Variants in GIGYF2 observed in about 807,000 individuals in gnomAD.
GIGYF2 encodes GRB10 interacting GYF protein 2.
In GIGYF2, 25 loss-of-function variants were observed where a neutral mutation model predicts 208.1. That is an observed-to-expected ratio of 0.12 (90% confidence interval 0.09 to 0.17). GIGYF2 has a LOEUF of 0.17. Ranked by LOEUF, GIGYF2 falls within the 10% of genes least tolerant of loss-of-function variation. The pLI, the probability that GIGYF2 is intolerant of heterozygous loss-of-function variation, is 1.00. For missense variants in GIGYF2, 1,302 were observed against 1,579.4 expected, an observed-to-expected ratio of 0.82 and a Z score of 2.98; for synonymous variants, 534 against 543.8, an observed-to-expected ratio of 0.98 and a Z score of 0.25.
intron 2 of GIGYF2, among the ~76,000 whole-genome samples, chr2:232,727,970 A>G (rs572734550): frequency 2.0e-5 from 3 of 152,166 alleles, no homozygotes; most frequent in Non-Finnish European, 4.4e-5. Flanking sequence ...AAATACCCGC[A>G]ACATTGAGTC....
At chr2:232,736,311 A>T (rs1441654909) in intron 3 of GIGYF2, 5 of 435,464 alleles carry the variant, frequency 1.1e-5, no homozygotes, top group African/African-American at 2.1e-5. Flanking sequence ...ATATGTTTCT[A>T]AAAAAATTAG....
At chr2:232,748,674 TATC>T (rs1236287574) in intron 4 of GIGYF2, among the ~76,000 whole-genome samples, 1 of 152,216 alleles carries the variant, frequency 6.6e-6, no homozygotes, top group African/African-American at 2.4e-5. Flanking sequence ...AAACTCTCCT[TATC>T]ATCTTCTGCT....
intron 5 of GIGYF2, among the ~76,000 whole-genome samples, chr2:232,749,551 A>C (rs1474490535): frequency 6.6e-6 from 1 of 152,000 alleles, no homozygotes; most frequent in Admixed American, 6.6e-5. Flanking sequence ...TGAGAAAGTA[A>C]AACTTGTGGG....
chr2:232,794,012 A>G (rs914134681), intron 12 of GIGYF2, among the ~76,000 whole-genome samples: 15 of 152,210 alleles, frequency 9.9e-5, no homozygotes, highest in African/African-American at 3.6e-4. Flanking sequence ...GCATGTATAG[A>G]CTATCCTTTT....
chr2:232,782,260 A>G lies in GIGYF2; in HGVS notation c.533-4890A>G, dbSNP rs146029980. 1.4e-4 allele frequency among the ~76,000 whole-genome samples: 22 copies of G among 152,246 alleles called. 1 individual carries two copies. Among genetic ancestry groups the G allele is most frequent in the African/African-American group, 5.3e-4 (22 of 41,554 alleles). ...TAGATAAATACAGAGATGAGGTCTCACCATGTTGCCCAGTCTGGTTTCAAA... is the reference window on the plus strand; with the variant it reads ...TAGATAAATACAGAGATGAGGTCTCGCCATGTTGCCCAGTCTGGTTTCAAA... On this transcript the variant is annotated intron_variant, in intron 8 of 28. Transcript: ENST00000373563.
intron 3 of GIGYF2, among the ~76,000 whole-genome samples, chr2:232,736,989 G>A (rs1001518815): frequency 6.6e-6 from 1 of 152,178 alleles, no homozygotes; most frequent in Admixed American, 6.5e-5. Flanking sequence ...AATATTATGG[G>A]TTGGCAAACT....
chr2:232,776,784 C>G (rs1398453028), intron 8 of GIGYF2: 3 of 301,564 alleles, frequency 9.9e-6, no homozygotes, highest in Non-Finnish European at 1.2e-5. Flanking sequence ...CATTTTTTCC[C>G]TCTAATCAGG....
intron 2 of GIGYF2, among the ~76,000 whole-genome samples, chr2:232,712,297 T>C (rs1027698759): frequency 2.0e-5 from 3 of 152,228 alleles, no homozygotes; most frequent in Non-Finnish European, 4.4e-5. Flanking sequence ...AACAATTGCA[T>C]TAAGTATCCT....
At chr2:232,710,548 G>T (rs531429181) in intron 2 of GIGYF2, among the ~76,000 whole-genome samples, 1 of 152,274 alleles carries the variant, frequency 6.6e-6, no homozygotes, top group East Asian at 1.9e-4. Context: ...GTCTTCATAG[G>T]CTTTACAGCC....
intron 14 of GIGYF2, among the ~76,000 whole-genome samples, chr2:232,802,326 T>A (rs1700423394): frequency 6.6e-6 from 1 of 152,162 alleles, no homozygotes; most frequent in Admixed American, 6.5e-5. Context: ...TCCTTCGCTA[T>A]CTCCTAATGT....
intron 6 of GIGYF2, among the ~76,000 whole-genome samples, chr2:232,758,675 A>G (rs1313361243): frequency 6.6e-6 from 1 of 152,120 alleles, no homozygotes; most frequent in African/African-American, 2.4e-5. Context: ...TAACTGAGAA[A>G]ATATTTTATA....
intron 22 of GIGYF2, among the ~76,000 whole-genome samples, chr2:232,835,446 G>C (rs1343223175): frequency 2.0e-5 from 3 of 152,122 alleles, no homozygotes; most frequent in African/African-American, 7.2e-5. Context: ...TGTGAAATCT[G>C]ACATCTTGTT....
intron 2 of GIGYF2, among the ~76,000 whole-genome samples, chr2:232,714,664 GT>G (rs1186144891): frequency 2.0e-5 from 3 of 152,060 alleles, no homozygotes; most frequent in African/African-American, 4.8e-5. Context: ...ATCCCCAGAA[GT>G]TTCCCCCAGC....
At chr2:232,822,752 G>T (rs192674488) in intron 21 of GIGYF2, among the ~76,000 whole-genome samples, 25 of 152,266 alleles carry the variant, frequency 1.6e-4, no homozygotes, top group African/African-American at 5.5e-4. Context: ...GAATTGATTG[G>T]TTTTCATATA....
chr2:232,775,603 T>C (rs1327195355), intron 8 of GIGYF2, among the ~76,000 whole-genome samples: 3 of 152,160 alleles, frequency 2.0e-5, no homozygotes, highest in Non-Finnish European at 4.4e-5. Context: ...CTGTAAAATA[T>C]TTGCCCATTT....
chr2:232,710,268 A>G (rs1219997225), intron 2 of GIGYF2, among the ~76,000 whole-genome samples: 1 of 151,948 alleles, frequency 6.6e-6, no homozygotes, highest in Non-Finnish European at 1.5e-5. Context: ...CTAAAAAGTT[A>G]TTTTAAGAGG....
intron 6 of GIGYF2, among the ~76,000 whole-genome samples, chr2:232,759,113 G>A (rs1435312996): frequency 6.6e-6 from 1 of 152,058 alleles, no homozygotes; most frequent in Non-Finnish European, 1.5e-5. Context: ...GCATTATTTT[G>A]ATACTTCATA....
At chr2:232,785,128 C>A (rs997958205) in intron 8 of GIGYF2, among the ~76,000 whole-genome samples, 13 of 151,862 alleles carry the variant, frequency 8.6e-5, no homozygotes, top group African/African-American at 3.1e-4. Flanking sequence ...CTCAGGTATT[C>A]CTTTATAGCC....
chr2:232,835,567 A>G (rs1479164838), intron 22 of GIGYF2, among the ~76,000 whole-genome samples: 1 of 152,028 alleles, frequency 6.6e-6, no homozygotes, highest in Non-Finnish European at 1.5e-5. Flanking sequence ...CTTTTTGATA[A>G]TGTCTTCTAG....
Sources: allele counts gnomAD v4.1 joint callset (sites outside exome capture counted in the v4.1 genomes callset), GRCh38; gene constraint gnomAD v4.1.1; transcripts MANE v1.5; gene names NCBI Gene and HGNC (gene_info 2026-07-23, HGNC 2026-07-21).